AP2B1: variants seen among roughly 807,000 people sequenced by gnomAD.
AP2B1 encodes the protein adaptor related protein complex 2 subunit beta 1, also known as AP-2 complex subunit beta.
AP2B1 carries 23 observed loss-of-function variants against 102.0 expected under a neutral mutation model. That is an observed-to-expected ratio of 0.23 (90% CI 0.16 to 0.32). The LOEUF is 0.32. Ranked by LOEUF, AP2B1 falls within the 10% of genes least tolerant of loss-of-function variation. AP2B1 has a pLI of 1.00. For synonymous variants in AP2B1, 381 were observed against 421.2 expected (o/e 0.90, Z 1.17); for missense variants, 541 against 1,157.4 (o/e 0.47, Z 7.73).
intron 18 of AP2B1, among the ~76,000 whole-genome samples, chr17:35,690,055 T>C (rs587693231): frequency 1.3e-5 from 2 of 152,320 alleles, no homozygotes; most frequent in East Asian, 1.9e-4. Flanking sequence ...CTTCTCTCCT[T>C]CTAGAACTCC....
intron 20 of AP2B1, among the ~76,000 whole-genome samples, chr17:35,715,561 A>G (rs1555589465): frequency 6.6e-6 from 1 of 152,250 alleles, no homozygotes; most frequent in East Asian, 1.9e-4. Flanking sequence ...CTCTGTGTTC[A>G]AGACAATCCT....
chr17:35,680,689 TTTTTTTTTTTG>T (rs1207820628), intron 17 of AP2B1, among the ~76,000 whole-genome samples: 2 of 56,926 alleles, frequency 3.5e-5, no homozygotes, highest in African/African-American at 8.9e-5. Context: ...GGTTTTGGTT[TTTTTTTTTTTG>T]TTTTTTTTTT....
chr17:35,691,034 T>A (rs1438844667), intron 18 of AP2B1, among the ~76,000 whole-genome samples: 1 of 152,144 alleles, frequency 6.6e-6, no homozygotes, highest in Non-Finnish European at 1.5e-5. Context: ...ACATAAACAT[T>A]GTCGAATAAG....
chr17:35,703,418 T>C (rs894378775), intron 18 of AP2B1, among the ~76,000 whole-genome samples: 14 of 152,102 alleles, frequency 9.2e-5, no homozygotes, highest in Non-Finnish European at 4.4e-5. Flanking sequence ...AGCAAAGACA[T>C]GGCATCAACC....
Position 35,626,619 on chromosome 17 carries a change from A to C in AP2B1, c.717-2A>C, listed in dbSNP as rs770733581. 6.3e-7 allele frequency: 1 copy of C among 1,599,512 alleles called. No homozygotes were observed. ...ATATTAATTTTCATTCTCCACCCTC[A>C]GCATCTGTGAGCGGGTAACTCCCCG... On this transcript the variant is annotated splice_acceptor_variant, in intron 6 of 21. Transcript: ENST00000610402. LOFTEE classifies it high-confidence loss of function.
At chr17:35,719,918 C>G (rs1007917079) in intron 21 of AP2B1, among the ~76,000 whole-genome samples, 5 of 152,104 alleles carry the variant, frequency 3.3e-5, no homozygotes, top group African/African-American at 1.2e-4. Flanking sequence ...CTAGAAAACC[C>G]CCAAAATCAT....
chr17:35,599,203 GA>G (rs2073395373), intron 3 of AP2B1, among the ~76,000 whole-genome samples: 1 of 152,174 alleles, frequency 6.6e-6, no homozygotes, highest in African/African-American at 2.4e-5. Context: ...GTCGACTTGA[GA>G]AAAAACCCTT....
chr17:35,614,373 T>C lies in AP2B1; in HGVS notation c.525+5986T>C, dbSNP rs995216661. The stretch of plus-strand genomic sequence containing the variant: ...CTAATTTATTTTATTTTATTTTTTG[T>C]AGAGATGGATCTTGTTTTGTTGCCC... On this transcript the variant is annotated intron_variant, in intron 5 of 21. Coordinates refer to ENST00000610402, the MANE Select transcript of AP2B1 (RefSeq NM_001030006.2). Among the ~76,000 whole-genome samples, 4 of 152,034 alleles carry C rather than the reference T, an allele frequency of 2.6e-5. No individual in the cohort carries two copies. In the East Asian group the frequency reaches 7.7e-4, roughly 29 times the overall value.
chr17:35,588,325 A>G (rs1256479559), intron 1 of AP2B1, among the ~76,000 whole-genome samples: 1 of 151,972 alleles, frequency 6.6e-6, no homozygotes, highest in African/African-American at 2.4e-5. Flanking sequence ...TTGTATTTTT[A>G]GTGACAGGGT....
At chr17:35,684,153 A>C (rs1250925920) in intron 18 of AP2B1, among the ~76,000 whole-genome samples, 1 of 152,172 alleles carries the variant, frequency 6.6e-6, no homozygotes, top group Non-Finnish European at 1.5e-5. Flanking sequence ...AGCTGAAAAG[A>C]AAGTCTCTAC....
At chr17:35,650,105 A>G (rs1472127070) in intron 12 of AP2B1, among the ~76,000 whole-genome samples, 3 of 152,118 alleles carry the variant, frequency 2.0e-5, no homozygotes, top group Admixed American at 6.5e-5. Flanking sequence ...ACACGCCACC[A>G]AGCCCAGCTA....
chr17:35,602,724 T>C (rs1455552753), intron 3 of AP2B1, among the ~76,000 whole-genome samples: 3 of 152,206 alleles, frequency 2.0e-5, no homozygotes, highest in African/African-American at 7.2e-5. Flanking sequence ...ACTCGCCACA[T>C]TGTGTTTAGT....
intron 12 of AP2B1, among the ~76,000 whole-genome samples, chr17:35,645,291 A>G (rs1470911918): frequency 6.6e-6 from 1 of 152,308 alleles, no homozygotes; most frequent in African/African-American, 2.4e-5. Context: ...GATTCTGGAC[A>G]TGACTGAGCA....
chr17:35,711,135 T>TA (rs1555587293), intron 20 of AP2B1, among the ~76,000 whole-genome samples: 1 of 152,230 alleles, frequency 6.6e-6, no homozygotes, highest in Non-Finnish European at 1.5e-5. Context: ...AAAGGAGCCC[T>TA]AAGTTATTTA....
intron 18 of AP2B1, among the ~76,000 whole-genome samples, 180 bp downstream of exon 18, chr17:35,683,004 A>G (rs1466667977): frequency 6.6e-6 from 1 of 151,956 alleles, no homozygotes; most frequent in East Asian, 1.9e-4. Context: ...CAGCCTCCCA[A>G]GTAGCTGGGA....
At chr17:35,625,282 T>C (rs913609252) in intron 6 of AP2B1, among the ~76,000 whole-genome samples, 49 of 152,216 alleles carry the variant, frequency 3.2e-4, no homozygotes, top group Non-Finnish European at 4.3e-4. Flanking sequence ...TTAAAGTTGG[T>C]ATATTTTAAT....
intron 21 of AP2B1, among the ~76,000 whole-genome samples, chr17:35,720,541 T>TTTTA (rs1175137394): frequency 9.5e-6 from 1 of 105,264 alleles, no homozygotes; most frequent in Non-Finnish European, 1.9e-5. Flanking sequence ...TATTTTTATT[T>TTTTA]TATTTATATA....
At chr17:35,598,915 T>A (rs2073383082) in intron 3 of AP2B1, among the ~76,000 whole-genome samples, 1 of 152,238 alleles carries the variant, frequency 6.6e-6, no homozygotes, top group Non-Finnish European at 1.5e-5. Flanking sequence ...TACTTAGATG[T>A]TACTTGCCTT....
At chr17:35,667,979 C>G (rs2075504826) in intron 14 of AP2B1, among the ~76,000 whole-genome samples, 1 of 146,828 alleles carries the variant, frequency 6.8e-6, no homozygotes. Context: ...GGTCTGTTGC[C>G]CAGGCTGTAG....
Sources: gnomAD v4.1 joint callset for allele counts (sites outside exome capture counted in the v4.1 genomes callset) on GRCh38, gnomAD v4.1.1 for gene constraint, MANE v1.5 for transcripts, NCBI Gene and HGNC (gene_info 2026-07-23, HGNC 2026-07-21) for gene names.